Variants in ZNF521 observed in about 807,000 individuals in gnomAD.
The protein encoded by ZNF521 is LYST-interacting protein 3.
ZNF521 carries 14 observed loss-of-function variants against 105.5 expected under a neutral mutation model. That is an observed-to-expected ratio of 0.13 (90% confidence interval 0.09 to 0.21). The LOEUF (loss-of-function observed/expected upper bound fraction) is 0.21, where lower values mean the gene tolerates loss of function less well. Among genes scored for constraint, ZNF521 ranks in the 10% least tolerant of loss-of-function variants. The probability of loss-of-function intolerance (pLI) is 1.00; values close to 1 mark genes in which losing one functional copy is unlikely to be tolerated. For missense variants in ZNF521, 1,233 were observed against 1,629.7 expected (o/e 0.76, Z 4.19); for synonymous variants, 635 against 606.0 (o/e 1.05, Z -0.70).
At chr18:25,246,585 T>C (rs548708141) in intron 3 of ZNF521, among the ~76,000 whole-genome samples, 1 of 152,344 alleles carries the variant, frequency 6.6e-6, no homozygotes, top group South Asian at 2.1e-4. Flanking sequence ...AGTTACTGCT[T>C]TGGGCTCTTT....
At chr18:25,336,814 T>C (rs926063634) in intron 2 of ZNF521, among the ~76,000 whole-genome samples, 1 of 152,054 alleles carries the variant, frequency 6.6e-6, no homozygotes, top group African/African-American at 2.4e-5. Context: ...TAGAAAAGAG[T>C]TGTATGCTAT....
intron 3 of ZNF521, among the ~76,000 whole-genome samples, chr18:25,306,934 T>G (rs1393946155): frequency 6.6e-6 from 1 of 151,648 alleles, no homozygotes; most frequent in East Asian, 1.9e-4. Context: ...CTTTAAACAA[T>G]TCTACCCAGA....
At chr18:25,117,008 CACACACACACATATATATATACAT>C (rs2034333951) in intron 5 of ZNF521, among the ~76,000 whole-genome samples, 4 of 96,458 alleles carry the variant, frequency 4.1e-5, no homozygotes, top group African/African-American at 2.0e-4. Context: ...TATATACATA[CACACACACACATATATATATACAT>C]ACACACACAC....
At position 25,318,503 on chromosome 18, in the gene ZNF521, T is replaced by C. The variant is rs139342617; in HGVS notation, c.220+3505A>G. Among the ~76,000 whole-genome samples the C allele has an allele frequency of 4.9e-4, 74 of 152,294 alleles. No homozygotes were observed. The East Asian group carries it at 0.011, about 23-fold the overall frequency. ...TACAGCATTAACAATTATAAACAAA[T>C]ATTAAACTCAGTTTGCCTATCATGG... is the stretch of plus-strand genomic sequence containing the variant. On this transcript the variant is annotated intron_variant, in intron 3 of 7. Coordinates refer to ENST00000361524, the MANE Select transcript of ZNF521 (RefSeq NM_015461.3).
intron 3 of ZNF521, among the ~76,000 whole-genome samples, chr18:25,247,133 A>T (rs1907777342): frequency 6.6e-6 from 1 of 152,194 alleles, no homozygotes; most frequent in African/African-American, 2.4e-5. Flanking sequence ...GCAGATACAA[A>T]GTTGACCAAG....
At position 25,065,988 on chromosome 18, in the gene ZNF521, G is replaced by A. The variant is rs1312104894; in HGVS notation, c.3907-3247C>T. Among the ~76,000 whole-genome samples the A allele has an allele frequency of 2.0e-5, 3 of 152,334 alleles. No individual in the cohort carries two copies. In the East Asian group the frequency reaches 5.8e-4, roughly 29 times the overall value. Reference sequence around the variant, plus strand: ...AGAGAGAGGAATATAAATCACTTGTGAGAAGGGCAAGGGTATGGCTTGTGA... The same window carrying A: ...AGAGAGAGGAATATAAATCACTTGTAAGAAGGGCAAGGGTATGGCTTGTGA... On this transcript the variant is annotated intron_variant, in intron 7 of 7. Transcript: ENST00000361524.
At chr18:25,301,753 T>C (rs541655826) in intron 3 of ZNF521, among the ~76,000 whole-genome samples, 1 of 152,206 alleles carries the variant, frequency 6.6e-6, no homozygotes, top group African/African-American at 2.4e-5. Flanking sequence ...CTCAAAAAGA[T>C]GGAGTGGGGG....
intron 5 of ZNF521, among the ~76,000 whole-genome samples, chr18:25,122,647 T>TGTGAATG (rs1171776187): frequency 6.6e-6 from 1 of 152,222 alleles, no homozygotes; most frequent in Admixed American, 6.5e-5. Flanking sequence ...ACCTGAATGT[T>TGTGAATG]GATCTATTAC....
intron 2 of ZNF521, among the ~76,000 whole-genome samples, chr18:25,346,754 A>T (rs766467874): frequency 1.4e-4 from 21 of 152,214 alleles, no homozygotes; most frequent in Admixed American, 2.6e-4. Context: ...AAGTTAAACA[A>T]GGCACTTCTG....
chr18:25,297,659 C>A (rs761907420), intron 3 of ZNF521, among the ~76,000 whole-genome samples: 4 of 152,104 alleles, frequency 2.6e-5, no homozygotes, highest in Admixed American at 6.5e-5. Context: ...AAGACAAATA[C>A]GTACTCTGTT....
At chr18:25,303,148 G>A (rs1398204966) in intron 3 of ZNF521, among the ~76,000 whole-genome samples, 1 of 152,120 alleles carries the variant, frequency 6.6e-6, no homozygotes. Flanking sequence ...GCAGTCATGT[G>A]CTAGGAAGCA....
chr18:25,250,686 A>G (rs1471654557), intron 3 of ZNF521, among the ~76,000 whole-genome samples: 1 of 152,232 alleles, frequency 6.6e-6, no homozygotes, highest in Non-Finnish European at 1.5e-5. Flanking sequence ...CCGAGAATTT[A>G]GGAAGCCATC....
At chr18:25,074,503 A>G (rs185763090) in intron 7 of ZNF521, among the ~76,000 whole-genome samples, 68 of 152,184 alleles carry the variant, frequency 4.5e-4, no homozygotes, top group African/African-American at 1.5e-3. Flanking sequence ...CTCTTTCTTT[A>G]ACGATCCCTC....
At position 25,062,275 on chromosome 18, in the gene ZNF521, T is replaced by C. The variant is rs1188194562; in HGVS notation, c.*437A>G. On this transcript the variant is annotated 3_prime_UTR_variant, in exon 8 of 8. Coordinates refer to ENST00000361524, the MANE Select transcript of ZNF521 (RefSeq NM_015461.3). ...AAGAATCTTCAGCAATAAAAAATAG[T>C]CTTGGATTTAAGCGCTGATATACCT... 1 of 228,162 alleles carries C rather than the reference T, an allele frequency of 4.4e-6. No homozygotes were observed. The highest frequency in any genetic ancestry group is 6.9e-5 in the East Asian group (1 of 14,458). The allele number at this position is 228,162 out of a possible 1,614,324, so 14.1% of individuals were successfully genotyped here. A position where few individuals can be genotyped will look rare whatever the true frequency, so the allele number is the denominator to read the frequency against.
chr18:25,188,723 C>T (rs1367123330), intron 5 of ZNF521, among the ~76,000 whole-genome samples: 3 of 152,142 alleles, frequency 2.0e-5, no homozygotes, highest in Non-Finnish European at 2.9e-5. Context: ...GTCACATGGC[C>T]GTAACCAACT....
chr18:25,094,029 G>A (rs1394396662), intron 5 of ZNF521, among the ~76,000 whole-genome samples: 1 of 152,120 alleles, frequency 6.6e-6, no homozygotes, highest in Non-Finnish European at 1.5e-5. Context: ...AGGTTACTAC[G>A]GGTTTTCATC....
intron 3 of ZNF521, among the ~76,000 whole-genome samples, chr18:25,296,213 A>G (rs1053899849): frequency 2.6e-5 from 4 of 152,148 alleles, no homozygotes; most frequent in Non-Finnish European, 5.9e-5. Context: ...TAGCTCTATC[A>G]TCCCTGATGA....
chr18:25,343,188 C>T (rs1914304693), intron 2 of ZNF521, among the ~76,000 whole-genome samples: 1 of 152,088 alleles, frequency 6.6e-6, no homozygotes, highest in Admixed American at 6.5e-5. Flanking sequence ...TCACAGTATA[C>T]TGATGGGATA....
chr18:25,267,281 C>T (rs574923568), intron 3 of ZNF521, among the ~76,000 whole-genome samples: 17 of 152,288 alleles, frequency 1.1e-4, no homozygotes, highest in African/African-American at 3.1e-4. Flanking sequence ...CCCCAGTCAG[C>T]GACTTATAGA....
Sources: gnomAD v4.1 joint callset for allele counts (sites outside exome capture counted in the v4.1 genomes callset) on GRCh38, gnomAD v4.1.1 for gene constraint, MANE v1.5 for transcripts, NCBI Gene and HGNC (gene_info 2026-07-23, HGNC 2026-07-21) for gene names.